PTCHD4: variants seen among roughly 807,000 people sequenced by gnomAD.
The protein encoded by PTCHD4 is patched domain-containing protein 4.
PTCHD4 carries 33 observed loss-of-function variants against 58.1 expected under a neutral mutation model. The ratio of observed to expected loss-of-function variants is 0.57; its 90% CI spans 0.43 to 0.76. The LOEUF (loss-of-function observed/expected upper bound fraction) is 0.76, where lower values mean the gene tolerates loss of function less well. PTCHD4 is among the 30% of genes least tolerant of loss of function. PTCHD4 has a pLI of 0.00. For synonymous variants in PTCHD4, 478 were observed against 409.6 expected (o/e 1.17, Z -2.02); for missense variants, 1,058 against 1,027.1 (o/e 1.03, Z -0.41).
At chr6:47,993,196 A>C (rs1019674472) in intron 4 of PTCHD4, among the ~76,000 whole-genome samples, 2 of 152,174 alleles carry the variant, frequency 1.3e-5, no homozygotes, top group Non-Finnish European at 2.9e-5. Flanking sequence ...ATGACCTAAA[A>C]ATGATTATGG....
rs949587955 is a variant in PTCHD4, at chr6:47,858,694, T to C, written c.*19609A>G. On this transcript the variant is annotated 3_prime_UTR_variant, in exon 5 of 5. Coordinates refer to ENST00000339488, the MANE Select transcript of PTCHD4 (RefSeq NM_001384253.1). ...ACAAGGCTACACTGCACTAGCCATC[T>C]GAGTCAGAATTTCTGTGGGTGGAAT... Among the ~76,000 whole-genome samples the C allele has an allele frequency of 7.9e-5, 12 of 152,056 alleles. No homozygotes were observed. Among genetic ancestry groups the C allele is most frequent in the Non-Finnish European group, 1.2e-4 (8 of 67,968 alleles).
intron 4 of PTCHD4, among the ~76,000 whole-genome samples, chr6:47,928,794 G>A (rs1489567120): frequency 6.7e-6 from 1 of 149,334 alleles, no homozygotes; most frequent in Non-Finnish European, 1.5e-5. Flanking sequence ...TTTGTCCTGA[G>A]TTAGTACTTG....
intron 4 of PTCHD4, among the ~76,000 whole-genome samples, chr6:47,942,939 TATTCTGTGGCA>T (rs1766288582): frequency 6.6e-6 from 1 of 152,152 alleles, no homozygotes; most frequent in African/African-American, 2.4e-5. Context: ...TATCAGAAAA[TATTCTGTGGCA>T]ATTCTGTGGT....
In PTCHD4 at chr6:47,865,287, A is replaced by C. The variant is rs925868875; in HGVS notation, c.*13016T>G. ...CTTTGACTCATCTTTTATTTACTGA[A>C]TTTAATTAATGCAATATAAACCATT... On this transcript the variant is annotated 3_prime_UTR_variant, in exon 5 of 5. Coordinates refer to ENST00000339488, the MANE Select transcript of PTCHD4 (RefSeq NM_001384253.1). Among the ~76,000 whole-genome samples the C allele has an allele frequency of 2.0e-5, 3 of 151,906 alleles. No homozygotes were observed. Among genetic ancestry groups the C allele is most frequent in the African/African-American group, 7.2e-5 (3 of 41,386 alleles).
At chr6:47,982,899 G>A (rs1767938121) in intron 4 of PTCHD4, among the ~76,000 whole-genome samples, 1 of 152,120 alleles carries the variant, frequency 6.6e-6, no homozygotes, top group Non-Finnish European at 1.5e-5. Context: ...AGTACAAGAT[G>A]ACTTCCAAAC....
At chr6:48,028,269 G>T (rs1255615809) in intron 3 of PTCHD4, among the ~76,000 whole-genome samples, 1 of 149,262 alleles carries the variant, frequency 6.7e-6, no homozygotes, top group African/African-American at 2.4e-5. Flanking sequence ...TGTTTTTTTT[G>T]ATGAGAAAAT....
chr6:48,081,998 C>T (rs1011151424), intron 1 of PTCHD4, among the ~76,000 whole-genome samples: 2 of 152,174 alleles, frequency 1.3e-5, no homozygotes, highest in Admixed American at 6.5e-5. Flanking sequence ...CCTGTTCATT[C>T]TGATATTCAG....
chr6:48,010,367 G>T (rs1262279052), intron 3 of PTCHD4, among the ~76,000 whole-genome samples: 1 of 152,024 alleles, frequency 6.6e-6, no homozygotes, highest in Non-Finnish European at 1.5e-5. Context: ...CTTGTTTTTC[G>T]CAGAACTGGG....
chr6:48,066,748 A>T (rs1175494921), intron 3 of PTCHD4, among the ~76,000 whole-genome samples: 1 of 152,120 alleles, frequency 6.6e-6, no homozygotes. Flanking sequence ...AGCTTTGTAA[A>T]GCTGAAACCC....
At position 47,866,588 on chromosome 6, in the gene PTCHD4, A is replaced by G. The variant is rs1763567907; in HGVS notation, c.*11715T>C. Among the ~76,000 whole-genome samples, 1 of 151,878 alleles carries G rather than the reference A, an allele frequency of 6.6e-6. No homozygotes were observed. Among genetic ancestry groups the G allele is most frequent in the Admixed American group, 6.6e-5 (1 of 15,222 alleles). On this transcript the variant is annotated 3_prime_UTR_variant, in exon 5 of 5. Coordinates refer to ENST00000339488, the MANE Select transcript of PTCHD4 (RefSeq NM_001384253.1). ...ACCAGTTGGAAAATGGGGCCTCCCC[A>G]GGCCAACTCCAACCTTATCTATAAC...
rs559674363 is a variant in PTCHD4, at chr6:47,982,787, G to A, written c.898+25847C>T. ...AAGGCATGAGCCACCGCACCCAGCC[G>A]TCTGTTTTATCTCTTTAGCCCCTCT... On this transcript the variant is annotated intron_variant, in intron 4 of 4. Transcript: ENST00000339488. Among the ~76,000 whole-genome samples, 118 of 152,164 alleles carry A rather than the reference G, an allele frequency of 7.8e-4. No individual in the cohort carries two copies. The South Asian group carries it at 0.011, about 15-fold the overall frequency.
chr6:48,003,884 C>G (rs1383264981), intron 4 of PTCHD4, among the ~76,000 whole-genome samples: 2 of 152,186 alleles, frequency 1.3e-5, no homozygotes, highest in African/African-American at 4.8e-5. Flanking sequence ...ATATATTTCT[C>G]TCTGCCAGAG....
chr6:47,973,435 C>T (rs954759803), intron 4 of PTCHD4, among the ~76,000 whole-genome samples: 6 of 152,166 alleles, frequency 3.9e-5, no homozygotes, highest in Non-Finnish European at 8.8e-5. Flanking sequence ...AAAAACAATG[C>T]TACAGTGATT....
At chr6:47,905,010 A>G (rs1190345685) in intron 4 of PTCHD4, among the ~76,000 whole-genome samples, 1 of 148,462 alleles carries the variant, frequency 6.7e-6, no homozygotes, top group Non-Finnish European at 1.5e-5. Flanking sequence ...AAAATAGAGA[A>G]TTAGAAGAAG....
intron 4 of PTCHD4, among the ~76,000 whole-genome samples, chr6:47,983,956 T>G (rs1767976198): frequency 6.6e-6 from 1 of 152,150 alleles, no homozygotes; most frequent in African/African-American, 2.4e-5. Context: ...TAATAACATA[T>G]TTCATTCCCA....
intron 4 of PTCHD4, among the ~76,000 whole-genome samples, chr6:47,941,724 T>C (rs1051266118): frequency 5.9e-5 from 9 of 152,314 alleles, no homozygotes; most frequent in African/African-American, 1.9e-4. Flanking sequence ...AAGTTAATGA[T>C]AGTACCTACC....
intron 3 of PTCHD4, among the ~76,000 whole-genome samples, chr6:48,031,046 C>G (rs1446770773): frequency 6.6e-6 from 1 of 152,080 alleles, no homozygotes; most frequent in Non-Finnish European, 1.5e-5. Flanking sequence ...GACAAAGATT[C>G]TTTGCTCAGG....
intron 3 of PTCHD4, among the ~76,000 whole-genome samples, chr6:48,054,296 A>G (rs902231032): frequency 3.9e-5 from 6 of 152,176 alleles, no homozygotes; most frequent in African/African-American, 1.4e-4. Context: ...GTCCTTAACA[A>G]AGCAATTTAC....
At chr6:48,065,747 A>G (rs988073940) in intron 3 of PTCHD4, among the ~76,000 whole-genome samples, 58 of 152,216 alleles carry the variant, frequency 3.8e-4, no homozygotes, top group African/African-American at 1.4e-3. Context: ...TCAAAAGCCC[A>G]ATTTACCCAA....
Sources: gnomAD v4.1 joint callset for allele counts (sites outside exome capture counted in the v4.1 genomes callset) on GRCh38, gnomAD v4.1.1 for gene constraint, MANE v1.5 for transcripts, NCBI Gene and HGNC (gene_info 2026-07-23, HGNC 2026-07-21) for gene names.